Variants in ADPRHL1 observed in about 807,000 individuals in gnomAD.
The protein encoded by ADPRHL1 is ADP-ribosylhydrolase like 1.
A neutral mutation model predicts 44.1 loss-of-function variants in ADPRHL1; 43 were observed. The observed-to-expected ratio is 0.98, with a 90% CI of 0.76 to 1.26. The LOEUF (loss-of-function observed/expected upper bound fraction) is 1.26, where lower values mean the gene tolerates loss of function less well. ADPRHL1 is among the 50% of genes most tolerant of loss of function. ADPRHL1 has a pLI of 0.00. For synonymous variants in ADPRHL1, 878 were observed against 1,017.4 expected (o/e 0.86, Z 2.61); for missense variants, 2,022 against 2,496.9 (o/e 0.81, Z 4.05).
chr13:113,410,756 A>AG (rs1197149568), intron 7 of ADPRHL1, among the ~76,000 whole-genome samples: 1 of 152,124 alleles, frequency 6.6e-6, no homozygotes, highest in African/African-American at 2.4e-5. Context: ...GGGGATGGGG[A>AG]GGGCAGAGGA....
chr13:113,429,710 C>T (rs1037319806), intron 3 of ADPRHL1, among the ~76,000 whole-genome samples: 16 of 152,300 alleles, frequency 1.1e-4, no homozygotes, highest in Non-Finnish European at 1.3e-4. Flanking sequence ...AGAGCGACCC[C>T]GCAGAGCTCT....
intron 7 of ADPRHL1, chr13:113,410,061 T>C (rs1595537788): frequency 1.0e-6 from 1 of 985,174 alleles, no homozygotes; most frequent in African/African-American, 1.7e-5. Context: ...GCAGCCCTGA[T>C]GGAGGAGGTG....
intron 2 of ADPRHL1, among the ~76,000 whole-genome samples, chr13:113,442,049 T>G (rs922584937): frequency 6.6e-6 from 1 of 152,286 alleles, no homozygotes; most frequent in African/African-American, 2.4e-5. Context: ...CTGAGTGACT[T>G]CCATTAGCAT....
chr13:113,405,145 C>T lies in ADPRHL1; in HGVS notation c.4137G>A (p.Arg1379=), dbSNP rs2043797915. ...ERPLTQADLG[R]QQSHQAQEET... is the part of the protein sequence containing the mutation. Reference sequence around the variant, plus strand: ...CCTCCTGTGCCTGGTGACTCTGTTGCCTCCCCAGGTCCGCCTGTGTCAGGG... The same window carrying T: ...CCTCCTGTGCCTGGTGACTCTGTTGTCTCCCCAGGTCCGCCTGTGTCAGGG... Residue 1379 remains arginine, a synonymous_variant, in exon 8 of 8, where the codon AGG becomes AGA. Coordinates refer to ENST00000612156, the MANE Select transcript of ADPRHL1 (RefSeq NM_001394807.1). The T allele has an allele frequency of 8.1e-7, 1 of 1,232,158 alleles. No homozygotes were observed. The highest frequency in any genetic ancestry group is 1.0e-6 in the Non-Finnish European group (1 of 988,266). The allele number at this position is 1,232,158 out of a possible 1,614,324, so 76.3% of individuals were successfully genotyped here. A position where few individuals can be genotyped will look rare whatever the true frequency, so the allele number is the denominator to read the frequency against.
At position 113,407,925 on chromosome 13, in the gene ADPRHL1, G is replaced by A. The variant is rs2139596833; in HGVS notation, c.1357C>T (p.Arg453Trp). ...CCCTGCTTGTCCTTGGAGATCAGCCGGCCCACCTCCCTGGTCCTCTTGAGG... is the reference window on the plus strand; with the variant it reads ...CCCTGCTTGTCCTTGGAGATCAGCCAGCCCACCTCCCTGGTCCTCTTGAGG... ...RYLKRTREVG[R>W]LISKDKQGPG... Residue 453 changes from arginine to tryptophan, a missense_variant, in exon 8 of 8, where the codon CGG (arginine) becomes TGG (tryptophan). Transcript: ENST00000612156. 8 of 1,231,912 alleles carry A rather than the reference G, an allele frequency of 6.5e-6. No homozygotes were observed. Among genetic ancestry groups the A allele is most frequent in the African/African-American group, 1.5e-5 (1 of 64,538 alleles). 76.3% of individuals were successfully genotyped at this position (1,231,912 alleles called of 1,614,324 possible). A position where few individuals can be genotyped will look rare whatever the true frequency, so the allele number is the denominator to read the frequency against.
chr13:113,429,799 C>T (rs2043994465), intron 3 of ADPRHL1, among the ~76,000 whole-genome samples: 1 of 152,244 alleles, frequency 6.6e-6, no homozygotes, highest in Non-Finnish European at 1.5e-5. Flanking sequence ...CTTTTCTTGC[C>T]TAACTTCTGG....
rs528624076 is a variant in ADPRHL1 at position 113,425,624 on chromosome 13, G to A, written c.647-445C>T. Among the ~76,000 whole-genome samples the A allele has an allele frequency of 3.3e-5, 5 of 151,310 alleles. No homozygotes were observed. The South Asian group carries it at 6.3e-4, about 19-fold the overall frequency. ...TGACCTCAGGTGATCCACCTGCCTT[G>A]GCCTCCCAACGTGTTGGGATTACAG... On this transcript the variant is annotated intron_variant, in intron 4 of 7. Coordinates refer to ENST00000612156, the MANE Select transcript of ADPRHL1 (RefSeq NM_001394807.1).
intron 7 of ADPRHL1, among the ~76,000 whole-genome samples, chr13:113,417,921 A>G (rs1369606412): frequency 6.6e-6 from 1 of 152,230 alleles, no homozygotes; most frequent in Admixed American, 6.5e-5. Flanking sequence ...GTTTGGATTG[A>G]ACATCAGTTT....
intron 1 of ADPRHL1, among the ~76,000 whole-genome samples, chr13:113,447,025 T>TGCGCATG: frequency 2.1e-5 from 3 of 140,260 alleles, no homozygotes; most frequent in Admixed American, 1.4e-4. Flanking sequence ...CGGTGTTGTG[T>TGCGCATG]GTGTATGGTG....
At chr13:113,439,723 C>T (rs1189065603) in intron 2 of ADPRHL1, among the ~76,000 whole-genome samples, 2 of 152,168 alleles carry the variant, frequency 1.3e-5, no homozygotes, top group Non-Finnish European at 2.9e-5. Context: ...GCTGGGATTA[C>T]AGGTGTGAGC....
chr13:113,450,771 G>C (rs11620527), intron 1 of ADPRHL1, among the ~76,000 whole-genome samples: 1 of 152,140 alleles, frequency 6.6e-6, no homozygotes, highest in Non-Finnish European at 1.5e-5. Context: ...CTGCTATCTA[G>C]AAGGCAGAGC....
chr13:113,410,919 CT>C (rs2043848030), intron 7 of ADPRHL1, among the ~76,000 whole-genome samples: 1 of 152,236 alleles, frequency 6.6e-6, no homozygotes, highest in African/African-American at 2.4e-5. Flanking sequence ...CCGTGGAGGG[CT>C]GCGCTCCCTT....
At chr13:113,417,513 CA>C (rs1157478879) in intron 7 of ADPRHL1, among the ~76,000 whole-genome samples, 2 of 152,186 alleles carry the variant, frequency 1.3e-5, no homozygotes, top group Non-Finnish European at 2.9e-5. Context: ...CTGTCTGTCC[CA>C]GATCAGGCGC....
At chr13:113,451,602 G>A (rs1274560563) in intron 1 of ADPRHL1, among the ~76,000 whole-genome samples, 1 of 152,164 alleles carries the variant, frequency 6.6e-6, no homozygotes, top group African/African-American at 2.4e-5. Context: ...GAGGTCAGGA[G>A]TTCGAGACCA....
Position 113,402,209 on chromosome 13 carries a change from C to T in ADPRHL1, c.*1169G>A, listed in dbSNP as rs7338430. ...CCACTCAGGCAGCCGTGTGGCCTCA[C>T]GGGTCCGGGTTTCAGAGGCCACCGA... On this transcript the variant is annotated 3_prime_UTR_variant, in exon 8 of 8. Coordinates refer to ENST00000612156, the MANE Select transcript of ADPRHL1 (RefSeq NM_001394807.1). 0.65 allele frequency: 98,703 copies of T among 152,132 alleles called. 33,612 individuals carry two copies. Among genetic ancestry groups the T allele is most frequent in the African/African-American group, 0.84 (34,695 of 41,534 alleles). The allele number at this position is 152,132 out of a possible 1,614,324, so 9.4% of individuals were successfully genotyped here.
chr13:113,404,004 C>A lies in ADPRHL1; in HGVS notation c.5278G>T (p.Ala1760Ser), dbSNP rs569536220. The A allele has an allele frequency of 2.2e-6, 3 of 1,334,806 alleles. No individual in the cohort carries two copies. In the African/African-American group the frequency reaches 4.5e-5, roughly 20 times the overall value. 82.7% of individuals were successfully genotyped at this position (1,334,806 alleles called of 1,614,324 possible). A position where few individuals can be genotyped will look rare whatever the true frequency, so the allele number is the denominator to read the frequency against. The change falls in exon 8 of 8, where the codon GCT becomes TCT. Residue 1760 changes from alanine to serine, a missense_variant. By Grantham distance (99) the Ala-to-Ser change is moderately conservative (BLOSUM62 1). Transcript: ENST00000612156. ...EQGREQTHIE[A>S]QGQAQKGAQE... is the part of the protein sequence containing the mutation. ...GCCCCTTTCTGGGCCTGACCCTGAG[C>A]CTCTATGTGGGTCTGCTCCCGACCC...
chr13:113,428,605 G>A (rs979115659), intron 4 of ADPRHL1, among the ~76,000 whole-genome samples: 1 of 152,222 alleles, frequency 6.6e-6, no homozygotes, highest in Admixed American at 6.5e-5. Context: ...TTTCCAGGGG[G>A]CACCACAGGT....
intron 1 of ADPRHL1, among the ~76,000 whole-genome samples, chr13:113,450,262 C>T (rs775089110): frequency 6.6e-6 from 1 of 152,110 alleles, no homozygotes; most frequent in African/African-American, 2.4e-5. Context: ...CCATAGGCTA[C>T]AATTTGTTAT....
rs187415098 is a variant in ADPRHL1, at chr13:113,441,999, C to T, written c.379+2426G>A. Among the ~76,000 whole-genome samples the T allele has an allele frequency of 1.4e-4, 22 of 152,390 alleles. No individual in the cohort carries two copies. Among genetic ancestry groups the T allele is most frequent in the East Asian group, 1.3e-3 (7 of 5,186 alleles). ...GTCTCTATCACGCTGTGTCCTGTGG[C>T]GCGGGTCTCTGTTTGCATCCAGTGC... On this transcript the variant is annotated intron_variant, in intron 2 of 7. Coordinates refer to ENST00000612156, the MANE Select transcript of ADPRHL1 (RefSeq NM_001394807.1). The surrounding 1 kb of genome is among the most constrained non-coding windows in gnomAD (Gnocchi z 6.0).
Sources: allele counts gnomAD v4.1 joint callset (sites outside exome capture counted in the v4.1 genomes callset), GRCh38; gene constraint gnomAD v4.1.1; non-coding constraint Gnocchi (gnomAD v3.1); transcripts MANE v1.5; gene names NCBI Gene and HGNC (gene_info 2026-07-23, HGNC 2026-07-21).